TRPM3: variants seen among roughly 807,000 people sequenced by gnomAD.
The protein encoded by TRPM3 is long transient receptor potential channel 3.
A neutral mutation model predicts 181.2 loss-of-function variants in TRPM3; 77 were observed. The observed-to-expected ratio is 0.42, with a 90% CI of 0.35 to 0.51. The LOEUF is 0.51. Ranked by LOEUF, TRPM3 falls within the 20% of genes least tolerant of loss-of-function variation. The pLI is 0.01. For missense variants in TRPM3, 1,759 were observed against 2,196.7 expected (o/e 0.80, Z 3.98); for synonymous variants, 745 against 796.4 (o/e 0.94, Z 1.09).
At chr9:70,828,113 C>CTG in intron 5 of TRPM3, 95 bp from the exon 6 acceptor site, 1 of 1,273,948 alleles carries the variant, frequency 7.8e-7, no homozygotes, top group Non-Finnish European at 1.1e-6. Context: ...GAAGAAAGAA[C>CTG]ATCAGTTCTG....
At chr9:71,054,278 G>A (rs562889776) in intron 1 of TRPM3, among the ~76,000 whole-genome samples, 4 of 152,194 alleles carry the variant, frequency 2.6e-5, no homozygotes, top group African/African-American at 7.2e-5. Flanking sequence ...ACTGGCTTGA[G>A]ATGCTTCCCA....
chr9:71,069,617 T>TTC (rs2062444982), intron 1 of TRPM3, among the ~76,000 whole-genome samples: 1 of 149,942 alleles, frequency 6.7e-6, no homozygotes, highest in Non-Finnish European at 1.5e-5. Context: ...TCTTTTTTTT[T>TTC]TTTTTTTTTG....
In TRPM3 at chr9:71,277,312, T is replaced by A. The variant is rs71505934; in HGVS notation, c.183+169341A>T. Among the ~76,000 whole-genome samples the A allele has an allele frequency of 2.2e-4, 33 of 152,316 alleles. 1 individual carries two copies. In the East Asian group the frequency reaches 6.2e-3, roughly 28 times the overall value. On this transcript the variant is annotated intron_variant, in intron 1 of 24. Coordinates refer to the TRPM3 transcript ENST00000357533. Reference sequence around the variant, plus strand: ...GAAATGGGAATAGTAAATGTATTTGTTTTCCTGAGTAACGTGTACGTAGTT... The same window carrying A: ...GAAATGGGAATAGTAAATGTATTTGATTTCCTGAGTAACGTGTACGTAGTT...
At chr9:70,602,151 T>C (rs2132740445) in intron 20 of TRPM3, among the ~76,000 whole-genome samples, 1 of 136,268 alleles carries the variant, frequency 7.3e-6, no homozygotes, top group East Asian at 2.3e-4. Flanking sequence ...AAAATGAGAC[T>C]AGCAGAGCCA....
At chr9:70,940,601 G>C (rs529441267) in intron 1 of TRPM3, among the ~76,000 whole-genome samples, 2 of 152,294 alleles carry the variant, frequency 1.3e-5, no homozygotes, top group African/African-American at 4.8e-5. Context: ...AAATATATAA[G>C]AGCAATATAA....
At chr9:71,143,722 G>T (rs530456626) in intron 1 of TRPM3, among the ~76,000 whole-genome samples, 33 of 152,270 alleles carry the variant, frequency 2.2e-4, no homozygotes, top group African/African-American at 7.5e-4. Context: ...GGATTGCTGG[G>T]TCAAATGGTA....
At chr9:71,068,524 G>A (rs1433054318) in intron 1 of TRPM3, among the ~76,000 whole-genome samples, 1 of 152,196 alleles carries the variant, frequency 6.6e-6, no homozygotes, top group African/African-American at 2.4e-5. Flanking sequence ...CAACTAGTAT[G>A]TGCTTCTAGA....
At chr9:70,995,564 C>G (rs1245424868) in intron 1 of TRPM3, among the ~76,000 whole-genome samples, 2 of 151,930 alleles carry the variant, frequency 1.3e-5, no homozygotes, top group Non-Finnish European at 2.9e-5. Flanking sequence ...TCTGGTGAGA[C>G]TTTTTGACAT....
At chr9:71,069,687 C>A (rs1254842499) in intron 1 of TRPM3, among the ~76,000 whole-genome samples, 1 of 150,604 alleles carries the variant, frequency 6.6e-6, no homozygotes, top group Admixed American at 6.6e-5. Flanking sequence ...TGGCTCACCA[C>A]AACCTCTGCC....
At chr9:70,804,938 G>C (rs1337912935) in intron 6 of TRPM3, among the ~76,000 whole-genome samples, 1 of 152,154 alleles carries the variant, frequency 6.6e-6, no homozygotes, top group Non-Finnish European at 1.5e-5. Flanking sequence ...GTCCACCATG[G>C]CATGCTGAAC....
chr9:70,969,940 G>C (rs1001898853), intron 1 of TRPM3, among the ~76,000 whole-genome samples: 5 of 151,860 alleles, frequency 3.3e-5, no homozygotes, highest in South Asian at 2.1e-4. Flanking sequence ...TTGAAACCAG[G>C]TCTATAGGTC....
chr9:70,597,079 A>G (rs2059153121), intron 21 of TRPM3, among the ~76,000 whole-genome samples: 2 of 152,104 alleles, frequency 1.3e-5, no homozygotes, highest in Non-Finnish European at 2.9e-5. Context: ...GATTACAGGC[A>G]TACACCACCA....
chr9:71,336,217 C>A (rs1286814283), intron 1 of TRPM3, among the ~76,000 whole-genome samples: 1 of 150,088 alleles, frequency 6.7e-6, no homozygotes, highest in Non-Finnish European at 1.5e-5. Context: ...AAAGAGCTGA[C>A]CAGCCCAAAA....
intron 6 of TRPM3, among the ~76,000 whole-genome samples, chr9:70,786,335 A>AAAAAAAAAAAAG (rs2083603016): frequency 6.9e-6 from 1 of 145,160 alleles, no homozygotes; most frequent in African/African-American, 2.5e-5. Flanking sequence ...AAAAAAAAAA[A>AAAAAAAAAAAAG]TTAGCTGGGC....
intron 1 of TRPM3, among the ~76,000 whole-genome samples, chr9:70,968,161 T>C (rs1319731527): frequency 6.6e-6 from 1 of 152,202 alleles, no homozygotes; most frequent in Non-Finnish European, 1.5e-5. Flanking sequence ...GTATTGTGTA[T>C]TGCATACTAT....
At chr9:71,427,642 T>C (rs780937944) in intron 1 of TRPM3, among the ~76,000 whole-genome samples, 11 of 152,170 alleles carry the variant, frequency 7.2e-5, no homozygotes, top group Admixed American at 3.9e-4. Context: ...CATTATCGTA[T>C]GCAAACTAAC....
At chr9:71,042,401 A>G (rs560126947) in intron 1 of TRPM3, among the ~76,000 whole-genome samples, 2 of 152,226 alleles carry the variant, frequency 1.3e-5, no homozygotes, top group Non-Finnish European at 2.9e-5. Flanking sequence ...GCTGTTTTAC[A>G]TCATTTTGTC....
At chr9:70,878,754 T>C (rs569956930) in intron 1 of TRPM3, among the ~76,000 whole-genome samples, 74 of 152,078 alleles carry the variant, frequency 4.9e-4, no homozygotes, top group Non-Finnish European at 9.4e-4. Context: ...CACAAGGCAC[T>C]AATCAGTGTG....
intron 1 of TRPM3, among the ~76,000 whole-genome samples, chr9:71,142,327 A>G (rs1010568174): frequency 6.6e-6 from 1 of 152,132 alleles, no homozygotes; most frequent in African/African-American, 2.4e-5. Context: ...TTACCTTCAA[A>G]ACAAACCCTA....
Sources: allele counts gnomAD v4.1 joint callset (sites outside exome capture counted in the v4.1 genomes callset), GRCh38; gene constraint gnomAD v4.1.1; transcripts MANE v1.5; gene names NCBI Gene and HGNC (gene_info 2026-07-23, HGNC 2026-07-21).